Variants in KCNN2 observed in about 807,000 individuals in gnomAD.
KCNN2 encodes the protein small conductance calcium-activated potassium channel protein 2.
Under a neutral mutation model 55.5 loss-of-function variants are expected in KCNN2, and 24 were observed. The observed-to-expected ratio is 0.43, with a 90% CI of 0.31 to 0.61. The LOEUF (loss-of-function observed/expected upper bound fraction) is 0.61. Ranked by LOEUF, KCNN2 falls within the 20% of genes least tolerant of loss-of-function variation. The pLI, the probability that KCNN2 is intolerant of heterozygous loss-of-function variation, is 0.08. For synonymous variants in KCNN2, 431 were observed against 336.1 expected (o/e 1.28, Z -3.09); for missense variants, 754 against 853.6 (o/e 0.88, Z 1.45).
At chr5:114,315,579 C>T (rs980331947) in intron 2 of KCNN2, among the ~76,000 whole-genome samples, 10 of 151,940 alleles carry the variant, frequency 6.6e-5, no homozygotes, top group Non-Finnish European at 1.5e-4. Context: ...TATATTTTCA[C>T]ATTTCACAAA....
intron 2 of KCNN2, among the ~76,000 whole-genome samples, chr5:114,277,166 C>G (rs1465531307): frequency 6.6e-6 from 1 of 152,122 alleles, no homozygotes; most frequent in Non-Finnish European, 1.5e-5. Context: ...ATATTTGCCC[C>G]CAATCTCTTC....
intron 1 of KCNN2, among the ~76,000 whole-genome samples, chr5:114,205,341 A>G (rs545150780): frequency 5.9e-5 from 9 of 152,366 alleles, no homozygotes; most frequent in African/African-American, 2.2e-4. Context: ...TAATGGCACT[A>G]AAGTATTTAT....
intron 1 of KCNN2, among the ~76,000 whole-genome samples, chr5:114,202,585 A>ATATAT (rs1430105677): frequency 3.7e-4 from 34 of 92,130 alleles, no homozygotes; most frequent in Non-Finnish European, 6.3e-4. Flanking sequence ...ATATATATAT[A>ATATAT]TTTTTTTTTT....
intron 1 of KCNN2, among the ~76,000 whole-genome samples, chr5:114,128,091 T>C (rs1263772927): frequency 6.6e-6 from 1 of 152,174 alleles, no homozygotes; most frequent in Non-Finnish European, 1.5e-5. Flanking sequence ...CAGCCTCTGC[T>C]TGTTACCCAG....
intron 2 of KCNN2, among the ~76,000 whole-genome samples, chr5:114,235,204 A>G (rs1366544279): frequency 6.6e-6 from 1 of 152,214 alleles, no homozygotes; most frequent in Non-Finnish European, 1.5e-5. Context: ...GAGGCAAAGT[A>G]GCACAGTCAC....
At chr5:114,197,956 T>C (rs1180445919) in intron 1 of KCNN2, among the ~76,000 whole-genome samples, 2 of 152,188 alleles carry the variant, frequency 1.3e-5, no homozygotes, top group Non-Finnish European at 2.9e-5. Flanking sequence ...CCAGGGAATA[T>C]GAATGATTAA....
chr5:114,476,216 T>G (rs1210481739), intron 5 of KCNN2, among the ~76,000 whole-genome samples: 1 of 128,700 alleles, frequency 7.8e-6, no homozygotes, highest in Non-Finnish European at 1.6e-5. Flanking sequence ...GAGTGTGATA[T>G]TCCCCTTCCT....
intron 3 of KCNN2, among the ~76,000 whole-genome samples, chr5:114,437,937 C>T (rs937316571): frequency 6.6e-6 from 1 of 152,016 alleles, no homozygotes; most frequent in African/African-American, 2.4e-5. Context: ...TTTTGCCTAT[C>T]CCAGAAAATT....
chr5:114,493,280 C>CA lies in KCNN2; in HGVS notation c.2019-120dup, dbSNP rs1747950007. The CA allele has an allele frequency of 4.0e-6, 3 of 757,562 alleles. No individual in the cohort carries two copies. In the East Asian group the frequency reaches 7.5e-5, roughly 19 times the overall value. The allele number at this position is 757,562 out of a possible 1,614,324, so 46.9% of individuals were successfully genotyped here. A position where few individuals can be genotyped will look rare whatever the true frequency, so the allele number is the denominator to read the frequency against. On this transcript the variant is annotated intron_variant, in intron 6 of 7. Transcript: ENST00000673685. ...ACACATAACCAGTTTGGACTTACCC[C>CA]AAATGTTCAAGGCATTATCCATGCA...
At chr5:114,286,279 G>T (rs1206229212) in intron 2 of KCNN2, among the ~76,000 whole-genome samples, 1 of 152,274 alleles carries the variant, frequency 6.6e-6, no homozygotes, top group East Asian at 1.9e-4. Flanking sequence ...GATTAGAGAA[G>T]AAGGTGATGG....
At chr5:114,417,932 A>G (rs1439278074) in intron 3 of KCNN2, among the ~76,000 whole-genome samples, 2 of 152,208 alleles carry the variant, frequency 1.3e-5, no homozygotes, top group South Asian at 2.1e-4. Context: ...ATAAAACCTT[A>G]CAAGTCATCT....
At chr5:114,126,486 C>G (rs1751932731) in intron 1 of KCNN2, among the ~76,000 whole-genome samples, 2 of 152,208 alleles carry the variant, frequency 1.3e-5, no homozygotes, top group South Asian at 2.1e-4. Context: ...AGAACTAACT[C>G]ATTCTCATGA....
chr5:114,387,015 A>T (rs1386137298), intron 2 of KCNN2, among the ~76,000 whole-genome samples: 2 of 152,194 alleles, frequency 1.3e-5, no homozygotes, highest in Admixed American at 1.3e-4. Context: ...CATTCCCTAC[A>T]GCATTTAGGG....
At chr5:114,120,348 C>T (rs1200376740) in intron 1 of KCNN2, among the ~76,000 whole-genome samples, 1 of 152,162 alleles carries the variant, frequency 6.6e-6, no homozygotes, top group Admixed American at 6.6e-5. Context: ...GTGATTACAG[C>T]TGCCAATTTG....
At chr5:114,113,441 T>A (rs1751644112) in intron 1 of KCNN2, among the ~76,000 whole-genome samples, 1 of 151,924 alleles carries the variant, frequency 6.6e-6, no homozygotes, top group Admixed American at 6.6e-5. Flanking sequence ...GAGAAAAACT[T>A]TTTTCCTCTC....
chr5:114,114,324 G>T (rs553204272), intron 1 of KCNN2, among the ~76,000 whole-genome samples: 1 of 152,080 alleles, frequency 6.6e-6, no homozygotes, highest in Non-Finnish European at 1.5e-5. Context: ...GAACTCCTGG[G>T]CTCAAGTGAT....
chr5:114,373,612 CCT>C (rs1757829593), intron 2 of KCNN2, among the ~76,000 whole-genome samples: 1 of 86,626 alleles, frequency 1.2e-5, no homozygotes, highest in Non-Finnish European at 2.5e-5. Flanking sequence ...ATATAGAGTA[CCT>C]CTCTCATGGT....
chr5:114,308,114 C>T (rs1178468828), intron 2 of KCNN2, among the ~76,000 whole-genome samples: 1 of 152,116 alleles, frequency 6.6e-6, no homozygotes, highest in African/African-American at 2.4e-5. Flanking sequence ...GAAGTTTCTC[C>T]TATCTAGCTC....
At chr5:114,191,470 C>T (rs1753446684) in intron 1 of KCNN2, among the ~76,000 whole-genome samples, 1 of 152,128 alleles carries the variant, frequency 6.6e-6, no homozygotes, top group African/African-American at 2.4e-5. Flanking sequence ...GGTCTCCTTG[C>T]AACCAGAAGG....
Sources: gnomAD v4.1 joint callset for allele counts (sites outside exome capture counted in the v4.1 genomes callset) on GRCh38, gnomAD v4.1.1 for gene constraint, MANE v1.5 for transcripts, NCBI Gene and HGNC (gene_info 2026-07-23, HGNC 2026-07-21) for gene names.